PBX1: variants seen among roughly 807,000 people sequenced by gnomAD.
PBX1 encodes PBX homeobox 1, also known as pre-B-cell leukemia transcription factor 1.
Under a neutral mutation model 53.4 loss-of-function variants are expected in PBX1, and 6 were observed. The ratio of observed to expected loss-of-function variants is 0.11; its 90% CI spans 0.06 to 0.22. The LOEUF (loss-of-function observed/expected upper bound fraction) is 0.22. Ranked by LOEUF, PBX1 falls within the 10% of genes least tolerant of loss-of-function variation. The probability of loss-of-function intolerance (pLI) is 1.00; values close to 1 mark genes in which losing one functional copy is unlikely to be tolerated. For synonymous variants in PBX1, 204 were observed against 212.3 expected, an observed-to-expected ratio of 0.96 and a Z score of 0.34; for missense variants, 251 against 551.4, an observed-to-expected ratio of 0.46 and a Z score of 5.46.
At chr1:164,683,541 C>A (rs1661914752) in intron 2 of PBX1, 1 of 152,152 alleles carries the variant, frequency 6.6e-6, no homozygotes, top group Admixed American at 6.5e-5. Context: ...TTTTCAAAAC[C>A]AGATCATCTG....
intron 2 of PBX1, among the ~76,000 whole-genome samples, chr1:164,864,276 G>A (rs1672165928): frequency 6.6e-6 from 1 of 151,992 alleles, no homozygotes; most frequent in Admixed American, 6.6e-5. Context: ...CCAGGCCCTA[G>A]CCCTTCAGCC....
intron 2 of PBX1, among the ~76,000 whole-genome samples, chr1:164,780,457 G>A (rs9661977): frequency 0.22 from 34,100 of 152,036 alleles, 4,007 homozygotes; most frequent in South Asian, 0.26. Flanking sequence ...TTGAATGCTC[G>A]CACTCAAGTT....
intron 2 of PBX1, among the ~76,000 whole-genome samples, chr1:164,765,441 AT>A (rs1324715229): frequency 6.6e-6 from 1 of 152,228 alleles, no homozygotes; most frequent in Non-Finnish European, 1.5e-5. Flanking sequence ...AATGAAGATG[AT>A]TGGCTCCCGA....
chr1:164,716,659 C>G (rs144801647), intron 2 of PBX1, among the ~76,000 whole-genome samples: 10 of 139,364 alleles, frequency 7.2e-5, no homozygotes, highest in African/African-American at 2.7e-4. Context: ...TGAGACCAGC[C>G]TGGGCAACAT....
chr1:164,624,677 TA>T (rs1378191498), intron 2 of PBX1, among the ~76,000 whole-genome samples: 2 of 152,252 alleles, frequency 1.3e-5, no homozygotes, highest in Non-Finnish European at 1.5e-5. Context: ...CTATTGTGGT[TA>T]ATGAAATGCA....
At chr1:164,621,535 G>A (rs1657679238) in intron 2 of PBX1, among the ~76,000 whole-genome samples, 1 of 152,184 alleles carries the variant, frequency 6.6e-6, no homozygotes, top group African/African-American at 2.4e-5. Context: ...TTAGCTTGGT[G>A]GCTCTGCAGT....
At chr1:164,801,814 T>C (rs1452750950) in intron 4 of PBX1, among the ~76,000 whole-genome samples, 1 of 151,818 alleles carries the variant, frequency 6.6e-6, no homozygotes, top group Non-Finnish European at 1.5e-5. Flanking sequence ...TGGGGGTATA[T>C]TTATTACCAG....
Position 164,792,511 on chromosome 1 carries a change from G to A in PBX1, c.283G>A (p.Ala95Thr). ...TTCTGTAGTTTTGAGTATCCGAGGA[G>A]CCCAGGAGGAGGAACCCACAGACCC... ...KEKTVLSIRGAQEEEPTDPQL... is the reference protein window; with the variant it reads ...KEKTVLSIRGTQEEEPTDPQL... The change falls in exon 3 of 9, where the codon GCC (alanine) becomes ACC (threonine). Residue 95 changes from alanine (A) to threonine (T), a missense_variant. Ala to Thr is a moderately conservative substitution (Grantham distance 58). Around this residue, in one of 4 missense-constraint regions of PBX1, gnomAD observed 76 missense variants for 197.5 expected, o/e 0.38. Coordinates refer to ENST00000420696, the MANE Select transcript of PBX1 (RefSeq NM_002585.4). 1.2e-6 allele frequency: 2 copies of A among 1,614,020 alleles called. No individual in the cohort carries two copies. The highest frequency in any genetic ancestry group is 1.7e-6 in the Non-Finnish European group (2 of 1,180,000).
chr1:164,784,519 AACTTGGTGTGTTTCTCTAAAG>A (rs1390513414), intron 2 of PBX1, among the ~76,000 whole-genome samples: 1 of 152,212 alleles, frequency 6.6e-6, no homozygotes, highest in African/African-American at 2.4e-5. Context: ...TGACAAGAAA[AACTTGGTGTGTTTCTCTAAAG>A]ACAACCACAA....
chr1:164,638,585 C>T (rs967833900), intron 2 of PBX1, among the ~76,000 whole-genome samples: 20 of 152,234 alleles, frequency 1.3e-4, no homozygotes, highest in Admixed American at 2.6e-4. Flanking sequence ...CACATACACT[C>T]ACACACACTC....
At chr1:164,840,254 C>G (rs1380539725) in intron 8 of PBX1, among the ~76,000 whole-genome samples, 2 of 152,070 alleles carry the variant, frequency 1.3e-5, no homozygotes, top group Non-Finnish European at 2.9e-5. Context: ...CAAACTAGGC[C>G]AGAAGAAAAT....
rs1471053700 is a variant in PBX1 at position 164,755,760 on chromosome 1, G to A, written c.266-36734G>A. Among the ~76,000 whole-genome samples the A allele has an allele frequency of 2.0e-5, 3 of 152,054 alleles. No homozygotes were observed. In the East Asian group the frequency reaches 5.8e-4, roughly 29 times the overall value. On this transcript the variant is annotated intron_variant, in intron 2 of 8. Coordinates refer to ENST00000420696, the MANE Select transcript of PBX1 (RefSeq NM_002585.4). Reference sequence around the variant, plus strand: ...CTTCCAAGGCTGAGGACAAGGAAGAGCATACCTGCAGTCCTTTCAATCGCC... The same window carrying A: ...CTTCCAAGGCTGAGGACAAGGAAGAACATACCTGCAGTCCTTTCAATCGCC...
At chr1:164,652,632 T>C (rs1659899673) in intron 2 of PBX1, among the ~76,000 whole-genome samples, 1 of 152,170 alleles carries the variant, frequency 6.6e-6, no homozygotes, top group Non-Finnish European at 1.5e-5. Flanking sequence ...CTAAACTTCC[T>C]AGATTTTTGT....
At chr1:164,623,356 G>A (rs1470084519) in intron 2 of PBX1, among the ~76,000 whole-genome samples, 1 of 152,210 alleles carries the variant, frequency 6.6e-6, no homozygotes, top group East Asian at 1.9e-4. Flanking sequence ...GCGTGGTGTG[G>A]GAATGGGGGA....
chr1:164,707,683 A>C (rs1035615590), intron 2 of PBX1, among the ~76,000 whole-genome samples: 3 of 152,180 alleles, frequency 2.0e-5, no homozygotes, highest in Non-Finnish European at 2.9e-5. Context: ...AGAAAAGGAA[A>C]GGAAGATAAA....
chr1:164,841,477 T>C (rs1304127369), intron 8 of PBX1, among the ~76,000 whole-genome samples: 1 of 152,136 alleles, frequency 6.6e-6, no homozygotes, highest in Non-Finnish European at 1.5e-5. Context: ...AGAATGACAC[T>C]TTTGAAAGAT....
At chr1:164,707,266 G>T (rs1317505664) in intron 2 of PBX1, among the ~76,000 whole-genome samples, 1 of 152,118 alleles carries the variant, frequency 6.6e-6, no homozygotes, top group African/African-American at 2.4e-5. Context: ...TGAATATTTT[G>T]TTATTTTATT....
chr1:164,694,325 T>A (rs1231311576), intron 2 of PBX1, among the ~76,000 whole-genome samples: 1 of 152,234 alleles, frequency 6.6e-6, no homozygotes, highest in African/African-American at 2.4e-5. Context: ...AGTATTCGTA[T>A]GCCTGCATTT....
chr1:164,802,441 A>G (rs1343206059), intron 4 of PBX1, among the ~76,000 whole-genome samples: 1 of 152,086 alleles, frequency 6.6e-6, no homozygotes, highest in African/African-American at 2.4e-5. Context: ...CAGTTCCTAG[A>G]GGCTCCCTTT....
Sources: gnomAD v4.1 joint callset for allele counts (sites outside exome capture counted in the v4.1 genomes callset) on GRCh38, gnomAD v4.1.1 for gene constraint, gnomAD v4.1.1 regional missense constraint, MANE v1.5 for transcripts, NCBI Gene and HGNC (gene_info 2026-07-23, HGNC 2026-07-21) for gene names.